Variants in SPRY1 observed in about 807,000 individuals in gnomAD.
The protein encoded by SPRY1 is protein sprouty homolog 1.
Under a neutral mutation model 22.6 loss-of-function variants are expected in SPRY1, and 20 were observed. The observed-to-expected ratio is 0.89, with a 90% CI of 0.62 to 1.29. The LOEUF (loss-of-function observed/expected upper bound fraction) is 1.29. Among genes scored for constraint, SPRY1 ranks in the 50% most tolerant of loss-of-function variants. The pLI is 0.00. For missense variants in SPRY1, 446 were observed against 387.7 expected (o/e 1.15, Z -1.26); for synonymous variants, 155 against 144.7 (o/e 1.07, Z -0.51).
rs1227536321 is a variant in SPRY1 at position 123,396,805 on chromosome 4, T to A, written c.-429T>A. ...GAGCTGAAATTCTGCGTAGCCGGAG[T>A]GAGACCGCTCTGCAAACCACTGCGT... On this transcript the variant is annotated 5_prime_UTR_variant, in exon 1 of 3. Coordinates refer to ENST00000651917, the MANE Select transcript of SPRY1 (RefSeq NM_001258038.2). The A allele has an allele frequency of 1.3e-5, 2 of 151,978 alleles. No homozygotes were observed. Among genetic ancestry groups the A allele is most frequent in the African/African-American group, 4.8e-5 (2 of 41,352 alleles). 9.4% of individuals were successfully genotyped at this position (151,978 alleles called of 1,614,324 possible).
In SPRY1 at chr4:123,403,714, C is replaced by T. The variant is rs1189396205; in HGVS notation, c.*1163C>T. On this transcript the variant is annotated 3_prime_UTR_variant, in exon 3 of 3. Coordinates refer to ENST00000651917, the MANE Select transcript of SPRY1 (RefSeq NM_001258038.2). ...AAAATAAGGTGACACGAAGAAAGTA[C>T]ATATGTTAACTATAATGCAGAAAAT... The T allele has an allele frequency of 1.8e-5, 3 of 166,972 alleles. No individual in the cohort carries two copies. Among genetic ancestry groups the T allele is most frequent in the East Asian group, 1.9e-4 (1 of 5,208 alleles). 10.3% of individuals were successfully genotyped at this position (166,972 alleles called of 1,614,324 possible).
At position 123,402,664 on chromosome 4, in the gene SPRY1, C is replaced by T; in HGVS notation, c.*113C>T. 7.3e-7 allele frequency: 1 copy of T among 1,366,598 alleles called. No individual in the cohort carries two copies. The allele number at this position is 1,366,598 out of a possible 1,614,324, so 84.7% of individuals were successfully genotyped here. A position where few individuals can be genotyped will look rare whatever the true frequency, so the allele number is the denominator to read the frequency against. Reference sequence around the variant, plus strand: ...AATTTTTCCCTGTTTCCCACCTTCTCTTCCCCTGTTGCCAAGGTCTAACTC... The same window carrying T: ...AATTTTTCCCTGTTTCCCACCTTCTTTTCCCCTGTTGCCAAGGTCTAACTC... On this transcript the variant is annotated 3_prime_UTR_variant, in exon 3 of 3. Transcript: ENST00000651917.
At position 123,402,576 on chromosome 4, in the gene SPRY1, T is replaced by G. The variant is rs757750128; in HGVS notation, c.*25T>G. On this transcript the variant is annotated 3_prime_UTR_variant, in exon 3 of 3. Coordinates refer to ENST00000651917, the MANE Select transcript of SPRY1 (RefSeq NM_001258038.2). ...ATTTTTGGAGGTGGGTTGTACCTCC[T>G]GAACTTTTAGCTTTCAAGTTGTGGC... 7 of 1,559,538 alleles carry G rather than the reference T, an allele frequency of 4.5e-6. No individual in the cohort carries two copies. In the East Asian group the frequency reaches 1.4e-4, roughly 30 times the overall value.
At chr4:123,401,047 A>G (rs1471048097) in intron 2 of SPRY1, among the ~76,000 whole-genome samples, 3 of 152,076 alleles carry the variant, frequency 2.0e-5, no homozygotes, top group African/African-American at 4.8e-5. Context: ...AATTTTTTTC[A>G]TCATTAATCT....
At chr4:123,398,782 T>A (rs1725023596) in intron 2 of SPRY1, among the ~76,000 whole-genome samples, 1 of 151,928 alleles carries the variant, frequency 6.6e-6, no homozygotes, top group Non-Finnish European at 1.5e-5. Context: ...GTCTCCTCCA[T>A]CCCCGATTAC....
chr4:123,401,602 A>C lies in SPRY1; in HGVS notation c.11A>C (p.Gln4Pro). 1 of 1,613,932 alleles carries C rather than the reference A, an allele frequency of 6.2e-7. No homozygotes were observed. The highest frequency in any genetic ancestry group is 2.2e-5 in the East Asian group (1 of 44,890). Reference protein sequence around the residue: MDPQNQHGSGSSLV... With the variant: MDPPNQHGSGSSLV... ...TCGAGATCACTACACATGGATCCCCAAAATCAACATGGCAGTGGCAGTTCG... is the reference window on the plus strand; with the variant it reads ...TCGAGATCACTACACATGGATCCCCCAAATCAACATGGCAGTGGCAGTTCG... The change falls in exon 3 of 3, where the codon CAA becomes CCA. Residue 4 changes from glutamine (Q) to proline (P), a missense_variant. Gln to Pro is a moderately conservative substitution (Grantham distance 76). Transcript: ENST00000651917.
In SPRY1 at chr4:123,402,103, A is replaced by G. The variant is rs1313426473; in HGVS notation, c.512A>G (p.Lys171Arg). ...LIVDDLKGSLKEDLTQHKFIC... is the reference protein window; with the variant it reads ...LIVDDLKGSLREDLTQHKFIC... Reference sequence around the variant, plus strand: ...GTGGATGACTTGAAGGGTTCCTTGAAAGAGGACCTGACACAGCACAAGTTC... The same window carrying G: ...GTGGATGACTTGAAGGGTTCCTTGAGAGAGGACCTGACACAGCACAAGTTC... Residue 171 changes from lysine (K) to arginine (R), a missense_variant, in exon 3 of 3, where the codon AAA (lysine) becomes AGA (arginine). Physicochemically the swap from Lys to Arg is conservative, Grantham distance 26. Coordinates refer to ENST00000651917, the MANE Select transcript of SPRY1 (RefSeq NM_001258038.2). The G allele has an allele frequency of 1.2e-6, 2 of 1,614,076 alleles. No homozygotes were observed. Among genetic ancestry groups the G allele is most frequent in the Non-Finnish European group, 1.7e-6 (2 of 1,180,036 alleles).
At chr4:123,399,186 G>A (rs1392538337) in intron 2 of SPRY1, among the ~76,000 whole-genome samples, 1 of 152,114 alleles carries the variant, frequency 6.6e-6, no homozygotes. Flanking sequence ...AGACCAGCCC[G>A]ACCAACTGAT....
intron 2 of SPRY1, among the ~76,000 whole-genome samples, chr4:123,401,301 A>T (rs1216996262): frequency 6.6e-6 from 1 of 152,062 alleles, no homozygotes; most frequent in East Asian, 1.9e-4. Flanking sequence ...AGTTGGAAAA[A>T]CTTATAATGT....
In SPRY1 at chr4:123,402,410, T is replaced by G; in HGVS notation, c.819T>G (p.Tyr273Ter). The change falls in exon 3 of 3, where the codon TAT becomes TAG. Residue 273 changes from tyrosine to a stop codon, truncating the protein, a stop_gained. Coordinates refer to ENST00000651917, the MANE Select transcript of SPRY1 (RefSeq NM_001258038.2). LOFTEE classifies it high-confidence loss of function. Reference sequence around the variant, plus strand: ...TATTTTTACCTTGCTTACTCTGTTATCCTCCTGCTAAAGGATGCCTGAAGC... The same window carrying G: ...TATTTTTACCTTGCTTACTCTGTTAGCCTCCTGCTAAAGGATGCCTGAAGC... ...MSLFLPCLLC[Y>*]PPAKGCLKLC... is the part of the protein sequence containing the mutation. 1 of 1,614,190 alleles carries G rather than the reference T, an allele frequency of 6.2e-7. No individual in the cohort carries two copies. The highest frequency in any genetic ancestry group is 8.5e-7 in the Non-Finnish European group (1 of 1,180,024).
In SPRY1 at chr4:123,401,579, G is replaced by A; in HGVS notation, c.-13G>A. On this transcript the variant is annotated 5_prime_UTR_variant, in exon 3 of 3. Transcript: ENST00000651917. ...AGGTTTCCACTGATTGCCAGAACTC[G>A]AGATCACTACACATGGATCCCCAAA... 1 of 1,605,004 alleles carries A rather than the reference G, an allele frequency of 6.2e-7. No homozygotes were observed. Among genetic ancestry groups the A allele is most frequent in the Non-Finnish European group, 8.5e-7 (1 of 1,173,356 alleles).
intron 2 of SPRY1, among the ~76,000 whole-genome samples, chr4:123,398,998 G>A (rs1560730528): frequency 6.6e-6 from 1 of 152,100 alleles, no homozygotes. Flanking sequence ...ATAGAATTAG[G>A]CAGCCCCAAA....
chr4:123,399,150 G>T (rs1343874595), intron 2 of SPRY1, among the ~76,000 whole-genome samples: 1 of 152,270 alleles, frequency 6.6e-6, no homozygotes, highest in Middle Eastern at 3.4e-3. Context: ...GCCGAGGCGC[G>T]CTGATCACCT....
At chr4:123,400,106 G>A (rs1725089073) in intron 2 of SPRY1, 1 of 152,168 alleles carries the variant, frequency 6.6e-6, no homozygotes, top group East Asian at 1.9e-4. Flanking sequence ...TGAAAGCACT[G>A]AGTTAAGAAG....
chr4:123,400,803 C>T (rs1323777690), intron 2 of SPRY1, among the ~76,000 whole-genome samples: 2 of 152,122 alleles, frequency 1.3e-5, no homozygotes, highest in East Asian at 1.9e-4. Context: ...TAAAAAAAAT[C>T]CTCTCAGGAT....
chr4:123,398,940 CGT>C (rs373515572), intron 2 of SPRY1, among the ~76,000 whole-genome samples: 4 of 151,778 alleles, frequency 2.6e-5, no homozygotes, highest in African/African-American at 9.7e-5. Context: ...TGTGTGTGTG[CGT>C]GTGTGTGTGT....
rs1725179170 is a variant in SPRY1 at position 123,401,994 on chromosome 4, C to T, written c.403C>T (p.Leu135=). ...SNSSASSEQG[L]LGRSPPTRPV... Reference sequence around the variant, plus strand: ...CAGCAGTGCCTCTTCTGAACAGGGACTGTTAGGAAGGTCACCACCAACCAG... The same window carrying T: ...CAGCAGTGCCTCTTCTGAACAGGGATTGTTAGGAAGGTCACCACCAACCAG... The change falls in exon 3 of 3, where the codon CTG becomes TTG. Residue 135 remains leucine, a synonymous_variant. Coordinates refer to ENST00000651917, the MANE Select transcript of SPRY1 (RefSeq NM_001258038.2). 1 of 1,614,060 alleles carries T rather than the reference C, an allele frequency of 6.2e-7. No individual in the cohort carries two copies. Among genetic ancestry groups the T allele is most frequent in the Non-Finnish European group, 8.5e-7 (1 of 1,180,052 alleles).
Position 123,402,235 on chromosome 4 carries a change from T to C in SPRY1, c.644T>C (p.Met215Thr). The change falls in exon 3 of 3, where the codon ATG (methionine) becomes ACG (threonine). Residue 215 changes from methionine to threonine, a missense_variant. Coordinates refer to ENST00000651917, the MANE Select transcript of SPRY1 (RefSeq NM_001258038.2). Reference sequence around the variant, plus strand: ...CAGTGCCTTTGCTCTGCTGAGAGCATGGTGGAATATGGAACCTGCATGTGC... The same window carrying C: ...CAGTGCCTTTGCTCTGCTGAGAGCACGGTGGAATATGGAACCTGCATGTGC... Reference protein sequence around the residue: ...NRQCLCSAESMVEYGTCMCLV... With the variant: ...NRQCLCSAESTVEYGTCMCLV... 1 of 1,614,262 alleles carries C rather than the reference T, an allele frequency of 6.2e-7. No individual in the cohort carries two copies. The highest frequency in any genetic ancestry group is 8.5e-7 in the Non-Finnish European group (1 of 1,180,042).
rs143726437 is a variant in SPRY1 at position 123,402,063 on chromosome 4, C to A, written c.472C>A (p.Pro158Thr). The A allele has an allele frequency of 1.2e-6, 2 of 1,614,148 alleles. No homozygotes were observed. The highest frequency in any genetic ancestry group is 2.7e-5 in the African/African-American group (2 of 75,024). The part of the protein sequence containing the change: ...HRSERAIRTQ[P>T]KQLIVDDLKG... ...GTCTGAAAGGGCAATCCGGACCCAG[C>A]CCAAGCAACTGATTGTGGATGACTT... Residue 158 changes from proline to threonine, a missense_variant, in exon 3 of 3, where the codon CCC (proline) becomes ACC (threonine). Coordinates refer to ENST00000651917, the MANE Select transcript of SPRY1 (RefSeq NM_001258038.2).
Sources: allele counts gnomAD v4.1 joint callset (sites outside exome capture counted in the v4.1 genomes callset), GRCh38; gene constraint gnomAD v4.1.1; transcripts MANE v1.5; gene names NCBI Gene and HGNC (gene_info 2026-07-23, HGNC 2026-07-21).